VPS53: variants seen among roughly 807,000 people sequenced by gnomAD.
The protein encoded by VPS53 is vacuolar protein sorting-associated protein 53 homolog.
A neutral mutation model predicts 107.0 loss-of-function variants in VPS53; 70 were observed. That is an observed-to-expected ratio of 0.65 (90% CI 0.54 to 0.80). VPS53 has a LOEUF of 0.80. Among genes scored for constraint, VPS53 ranks in the 30% least tolerant of loss-of-function variants. VPS53 has a pLI of 0.00. For missense variants in VPS53, 917 were observed against 1,049.4 expected, an observed-to-expected ratio of 0.87 and a Z score of 1.74; for synonymous variants, 409 against 393.3, an observed-to-expected ratio of 1.04 and a Z score of -0.47.
At chr17:521,454 G>C (rs1020906193) in intron 20 of VPS53, 147 bp downstream of exon 20, 11 of 873,764 alleles carry the variant, frequency 1.3e-5, no homozygotes, top group Non-Finnish European at 1.7e-5. Context: ...AACAATATCT[G>C]ATGAGGCCAA....
intron 7 of VPS53, among the ~76,000 whole-genome samples, chr17:638,953 A>T (rs1216968129): frequency 1.3e-5 from 2 of 152,092 alleles, no homozygotes; most frequent in South Asian, 2.1e-4. Context: ...CCTGAATTTG[A>T]ATGTTGGCCT....
At chr17:582,236 G>T (rs1380707100) in intron 13 of VPS53, among the ~76,000 whole-genome samples, 1 of 145,338 alleles carries the variant, frequency 6.9e-6, no homozygotes, top group Non-Finnish European at 1.5e-5. Flanking sequence ...TGTTCCCAGA[G>T]AACCTCCCTC....
chr17:664,652 G>A (rs1971601996), intron 4 of VPS53, among the ~76,000 whole-genome samples: 3 of 152,300 alleles, frequency 2.0e-5, no homozygotes, highest in Admixed American at 6.5e-5. Context: ...TGTCCTGGCT[G>A]CTGTGTGGCA....
Position 664,140 on chromosome 17 carries a change from G to C in VPS53, c.286-2245C>G, listed in dbSNP as rs903777656. On this transcript the variant is annotated intron_variant, in intron 4 of 21. Coordinates refer to ENST00000437048, the MANE Select transcript of VPS53 (RefSeq NM_001128159.3). ...GTTGCCCAGGCTAGAGTTAAGTGGC[G>C]TGATCTCAGCTCACTGCAACCTCTG... 2.6e-5 allele frequency among the ~76,000 whole-genome samples: 4 copies of C among 152,054 alleles called. No homozygotes were observed. In the South Asian group the frequency reaches 8.3e-4, roughly 32 times the overall value.
chr17:577,617 C>A (rs1022613598), intron 13 of VPS53, among the ~76,000 whole-genome samples: 2 of 151,128 alleles, frequency 1.3e-5, no homozygotes, highest in Non-Finnish European at 2.9e-5. Context: ...CCTTTAGGAC[C>A]TCAATGCGTT....
At chr17:694,992 A>G (rs1972902772) in intron 4 of VPS53, among the ~76,000 whole-genome samples, 1 of 152,214 alleles carries the variant, frequency 6.6e-6, no homozygotes, top group Non-Finnish European at 1.5e-5. Context: ...GGCATGAGCC[A>G]TTGTGCCTGG....
At chr17:571,714 C>T (rs956009056) in intron 13 of VPS53, among the ~76,000 whole-genome samples, 3 of 152,238 alleles carry the variant, frequency 2.0e-5, no homozygotes, top group Non-Finnish European at 2.9e-5. Context: ...GACTGGTTTT[C>T]GTATTTTTTT....
chr17:662,120 A>C (rs952130800), intron 4 of VPS53, among the ~76,000 whole-genome samples: 1 of 152,228 alleles, frequency 6.6e-6, no homozygotes, highest in Non-Finnish European at 1.5e-5. Flanking sequence ...CAAAGTTTCA[A>C]CTTAAAACTA....
chr17:664,940 C>T (rs1035469741), intron 4 of VPS53, among the ~76,000 whole-genome samples: 3 of 152,066 alleles, frequency 2.0e-5, no homozygotes, highest in East Asian at 1.9e-4. Flanking sequence ...AGGAGGAGGA[C>T]GGGCTTGACA....
chr17:623,725 A>C (rs1375896424), intron 10 of VPS53, 51 bp from the exon 11 acceptor site: 3 of 1,558,850 alleles, frequency 1.9e-6, no homozygotes, highest in Non-Finnish European at 2.6e-6. Flanking sequence ...TCATTCATTC[A>C]GTAGAGATAA....
At chr17:688,587 G>T (rs552044720) in intron 4 of VPS53, among the ~76,000 whole-genome samples, 1 of 152,128 alleles carries the variant, frequency 6.6e-6, no homozygotes, top group Non-Finnish European at 1.5e-5. Flanking sequence ...ATGAGTCCCC[G>T]CCTCAACTAC....
In VPS53 at chr17:517,612, C is replaced by T. The variant is rs559735701; in HGVS notation, c.*1516G>A. 1.8e-5 allele frequency: 7 copies of T among 386,012 alleles called. No homozygotes were observed. Among genetic ancestry groups the T allele is most frequent in the South Asian group, 2.8e-4 (2 of 7,142 alleles). The allele number at this position is 386,012 out of a possible 1,614,324, so 23.9% of individuals were successfully genotyped here. The stretch of plus-strand genomic sequence containing the variant: ...TTGGCTCACTGCAGCCTCCACCTCC[C>T]GGGTTTAAGTGATTCTCCTGCCTCA... On this transcript the variant is annotated 3_prime_UTR_variant, in exon 22 of 22. Transcript: ENST00000437048.
intron 11 of VPS53, among the ~76,000 whole-genome samples, chr17:611,950 TCA>T (rs1878472582): frequency 6.6e-6 from 1 of 150,554 alleles, no homozygotes; most frequent in Non-Finnish European, 1.5e-5. Context: ...GTACAGATAT[TCA>T]CATAGTTCAC....
chr17:586,049 T>G (rs542751407), intron 13 of VPS53, among the ~76,000 whole-genome samples: 49 of 152,266 alleles, frequency 3.2e-4, no homozygotes, highest in Non-Finnish European at 5.1e-4. Context: ...AGGGATCCAC[T>G]GGGGACCTTA....
In VPS53 at chr17:519,305, T is replaced by G. The variant is rs565203918; in HGVS notation, c.2329-7A>C. On this transcript the variant is annotated splice_region_variant and splice_polypyrimidine_tract_variant and intron_variant, in intron 21 of 21. Coordinates refer to ENST00000437048, the MANE Select transcript of VPS53 (RefSeq NM_001128159.3). The surrounding 1 kb of genome is among the most constrained non-coding windows in gnomAD (Gnocchi z 5.0). ...GCTCACTCCTCTTCAGCCCCTGAGG[T>G]TGAGAGAGAAACAGAACCGTCACGA... is the stretch of plus-strand genomic sequence containing the variant. 2.0e-6 allele frequency: 3 copies of G among 1,469,976 alleles called. No homozygotes were observed. The South Asian group carries it at 4.2e-5, about 21-fold the overall frequency. 91.1% of individuals were successfully genotyped at this position (1,469,976 alleles called of 1,614,324 possible).
intron 6 of VPS53, among the ~76,000 whole-genome samples, chr17:654,104 A>C (rs1971077948): frequency 6.6e-6 from 1 of 152,144 alleles, no homozygotes; most frequent in Non-Finnish European, 1.5e-5. Flanking sequence ...CTGAGGCAAG[A>C]GACTCACTTG....
intron 2 of VPS53, among the ~76,000 whole-genome samples, chr17:700,956 C>T (rs1371665036): frequency 1.3e-5 from 2 of 152,174 alleles, no homozygotes; most frequent in African/African-American, 4.8e-5. Flanking sequence ...TGGGTTGTCA[C>T]AGCTCATCCT....
intron 17 of VPS53, among the ~76,000 whole-genome samples, chr17:547,607 G>C (rs1012000056): frequency 2.0e-5 from 3 of 152,116 alleles, no homozygotes; most frequent in African/African-American, 7.2e-5. Context: ...TCATGACATT[G>C]TGGATATACT....
chr17:630,852 A>C (rs1969928678), intron 8 of VPS53, among the ~76,000 whole-genome samples: 1 of 152,124 alleles, frequency 6.6e-6, no homozygotes, highest in African/African-American at 2.4e-5. Context: ...TTTCTCTTGA[A>C]ATAGCTCAAA....
Sources: gnomAD v4.1 joint callset for allele counts (sites outside exome capture counted in the v4.1 genomes callset) on GRCh38, gnomAD v4.1.1 for gene constraint, Gnocchi (gnomAD v3.1) non-coding constraint, MANE v1.5 for transcripts, NCBI Gene and HGNC (gene_info 2026-07-23, HGNC 2026-07-21) for gene names.